Variants in PTPN13 observed in about 807,000 individuals in gnomAD.
The protein encoded by PTPN13 is tyrosine-protein phosphatase non-receptor type 13.
A neutral mutation model predicts 284.0 loss-of-function variants in PTPN13; 191 were observed. The observed-to-expected ratio is 0.67, with a 90% CI of 0.60 to 0.76. The LOEUF (loss-of-function observed/expected upper bound fraction) is 0.76. Ranked by LOEUF, PTPN13 falls within the 30% of genes least tolerant of loss-of-function variation. The pLI is 0.00. For synonymous variants in PTPN13, 986 were observed against 1,022.3 expected, an observed-to-expected ratio of 0.96 and a Z score of 0.68; for missense variants, 2,797 against 2,939.9, an observed-to-expected ratio of 0.95 and a Z score of 1.12.
At chr4:86,650,356 G>T (rs912029326) in intron 2 of PTPN13, among the ~76,000 whole-genome samples, 1 of 152,156 alleles carries the variant, frequency 6.6e-6, no homozygotes, top group South Asian at 2.1e-4. Flanking sequence ...CTGTCACCCA[G>T]GTTGGAGTGC....
rs772353049 is a variant in PTPN13 at position 86,766,478 on chromosome 4, C to G, written c.4290C>G (p.Thr1430=). ...ATGGAGTTAGTCTAGAAGGAGCCAC[C>G]CATAAGCAAGCTGTGGAAACACTGA... is the stretch of plus-strand genomic sequence containing the variant. ...AVNGVSLEGA[T]HKQAVETLRN... The change falls in exon 27 of 48, where the codon ACC becomes ACG. Residue 1430 remains threonine (T), a synonymous_variant. Coordinates refer to ENST00000411767, the MANE Select transcript of PTPN13 (RefSeq NM_080683.3). 54 of 1,609,900 alleles carry G rather than the reference C, an allele frequency of 3.4e-5. No individual in the cohort carries two copies. Among genetic ancestry groups the G allele is most frequent in the Non-Finnish European group, 4.4e-5 (52 of 1,178,906 alleles).
chr4:86,608,373 T>A (rs112022121), intron 1 of PTPN13, among the ~76,000 whole-genome samples: 7,052 of 152,158 alleles, frequency 0.046, 219 homozygotes, highest in African/African-American at 0.06. Flanking sequence ...ATTCTAATGC[T>A]TTATGTTATT....
chr4:86,644,943 C>T (rs1453332796), intron 2 of PTPN13, among the ~76,000 whole-genome samples: 1 of 152,156 alleles, frequency 6.6e-6, no homozygotes, highest in Non-Finnish European at 1.5e-5. Flanking sequence ...CTTGGCAGCT[C>T]ACACCTGTAA....
intron 40 of PTPN13, among the ~76,000 whole-genome samples, chr4:86,792,726 T>G (rs1742831024): frequency 1.3e-5 from 2 of 152,206 alleles, no homozygotes. Flanking sequence ...AAGGAAAGAA[T>G]GTTCAACTCA....
intron 2 of PTPN13, among the ~76,000 whole-genome samples, chr4:86,650,034 G>A (rs993265540): frequency 5.3e-5 from 8 of 152,102 alleles, no homozygotes; most frequent in Non-Finnish European, 1.2e-4. Flanking sequence ...CACCCCGGCT[G>A]GAGTCCAATG....
chr4:86,770,297 G>A, intron 30 of PTPN13, 98 bp downstream of exon 30: 3 of 1,117,354 alleles, frequency 2.7e-6, no homozygotes, highest in Non-Finnish European at 3.9e-6. Flanking sequence ...GTTCTCCTGG[G>A]TTTCATACCT....
intron 3 of PTPN13, among the ~76,000 whole-genome samples, chr4:86,680,555 C>T (rs765253208): frequency 1.3e-5 from 2 of 152,144 alleles, no homozygotes; most frequent in Non-Finnish European, 2.9e-5. Flanking sequence ...TTTCTCTTCT[C>T]TCGGACTTTT....
chr4:86,735,685 C>T lies in PTPN13; in HGVS notation c.2243C>T (p.Pro748Leu), dbSNP rs780479289. The T allele has an allele frequency of 6.2e-7, 1 of 1,613,240 alleles. No individual in the cohort carries two copies. The highest frequency in any genetic ancestry group is 8.5e-7 in the Non-Finnish European group (1 of 1,179,586). The change falls in exon 15 of 48, where the codon CCC becomes CTC. Residue 748 changes from proline to leucine, a missense_variant. Physicochemically the swap from Pro to Leu is moderately conservative, Grantham distance 98. Transcript: ENST00000411767. ...LDLSYIKEEL[P>L]KLHNTYVGAS... ...TTATCCTATATCAAAGAAGAGTTACCCAAATTGCATAATACCTATGTGGGA... is the reference window on the plus strand; with the variant it reads ...TTATCCTATATCAAAGAAGAGTTACTCAAATTGCATAATACCTATGTGGGA...
At chr4:86,767,331 C>T (rs376872481) in intron 27 of PTPN13, among the ~76,000 whole-genome samples, 4 of 151,550 alleles carry the variant, frequency 2.6e-5, no homozygotes, top group East Asian at 1.9e-4. Flanking sequence ...TTGCAACCTC[C>T]GCCTCCCAGA....
In PTPN13 at chr4:86,597,446, T is replaced by G. The variant is rs1241858794; in HGVS notation, c.-6+2657T>G. Among the ~76,000 whole-genome samples the G allele has an allele frequency of 2.0e-5, 3 of 152,186 alleles. No individual in the cohort carries two copies. The East Asian group carries it at 5.8e-4, about 29-fold the overall frequency. ...TTTTTAAATAGAGACAATGTCTCGC[T>G]GTATTGACCAAGGCTAAAAGATAGC... is the stretch of plus-strand genomic sequence containing the variant. On this transcript the variant is annotated intron_variant, in intron 1 of 47. Transcript: ENST00000411767.
chr4:86,646,367 G>A (rs1361838782), intron 2 of PTPN13, among the ~76,000 whole-genome samples: 2 of 145,032 alleles, frequency 1.4e-5, no homozygotes, highest in South Asian at 2.2e-4. Context: ...GTGAGATCTC[G>A]GCTCACTGCA....
In PTPN13 at chr4:86,770,098, C is replaced by G; in HGVS notation, c.4705-3C>G. On this transcript the variant is annotated splice_region_variant and splice_polypyrimidine_tract_variant and intron_variant, in intron 29 of 47. Transcript: ENST00000411767. ...CTTCATTTGTCATTCATGGTACCCC[C>G]AGGAAGTCATATCTGCTCTCAGGGG... 1.2e-6 allele frequency: 2 copies of G among 1,613,418 alleles called. No homozygotes were observed. Among genetic ancestry groups the G allele is most frequent in the Non-Finnish European group, 1.7e-6 (2 of 1,179,506 alleles).
chr4:86,649,791 A>G (rs1159427995), intron 2 of PTPN13, among the ~76,000 whole-genome samples: 1 of 152,156 alleles, frequency 6.6e-6, no homozygotes, highest in Non-Finnish European at 1.5e-5. Context: ...TAGTGATTGT[A>G]TTGAATCTGT....
At chr4:86,761,560 C>T (rs1177206491) in intron 23 of PTPN13, among the ~76,000 whole-genome samples, 1 of 152,172 alleles carries the variant, frequency 6.6e-6, no homozygotes, top group Non-Finnish European at 1.5e-5. Flanking sequence ...CAGTGCTTTT[C>T]TCCTCATACC....
At chr4:86,740,457 C>G (rs1736046806) in intron 15 of PTPN13, among the ~76,000 whole-genome samples, 1 of 152,152 alleles carries the variant, frequency 6.6e-6, no homozygotes, top group Non-Finnish European at 1.5e-5. Context: ...TTAGTCATAG[C>G]TGGAGTGGCT....
In PTPN13 at chr4:86,809,999, T is replaced by C. The variant is rs143097464; in HGVS notation, c.7299+15T>C. The C allele has an allele frequency of 1.0e-4, 161 of 1,596,954 alleles. No homozygotes were observed. The East Asian group carries it at 2.7e-3, about 26-fold the overall frequency. ...AGGATCTTGATGTGAGTACAAGATA[T>C]TGGCTGAGTAAGCATTTGTTCAGAA... On this transcript the variant is annotated intron_variant, in intron 46 of 47. Coordinates refer to ENST00000411767, the MANE Select transcript of PTPN13 (RefSeq NM_080683.3).
At chr4:86,689,551 A>G (rs1420737178) in intron 5 of PTPN13, 1 of 648,714 alleles carries the variant, frequency 1.5e-6, no homozygotes, top group Non-Finnish European at 2.8e-6. Context: ...TGGGTTTTAG[A>G]AATATTTAAA....
In PTPN13 at chr4:86,807,651, C is replaced by T. The variant is rs2149384807; in HGVS notation, c.6837C>T (p.Tyr2279=). The T allele has an allele frequency of 6.2e-7, 1 of 1,613,980 alleles. No individual in the cohort carries two copies. The highest frequency in any genetic ancestry group is 2.2e-5 in the East Asian group (1 of 44,876). The part of the protein sequence containing the change: ...KIPVGKEEFV[Y]IACQGPLPTT... ...CAGTTGGGAAAGAAGAGTTCGTTTACATTGCCTGCCAAGGACCACTGCCTA... is the reference window on the plus strand; with the variant it reads ...CAGTTGGGAAAGAAGAGTTCGTTTATATTGCCTGCCAAGGACCACTGCCTA... Residue 2279 remains tyrosine, a synonymous_variant, in exon 45 of 48, where the codon TAC becomes TAT. Coordinates refer to ENST00000411767, the MANE Select transcript of PTPN13 (RefSeq NM_080683.3).
In PTPN13 at chr4:86,807,800, AAAC is replaced by A. The variant is rs1378560721; in HGVS notation, c.6992_6994del (p.Thr2331del). On this transcript the variant is annotated inframe_deletion, in exon 45 of 48. Coordinates refer to ENST00000411767, the MANE Select transcript of PTPN13 (RefSeq NM_080683.3). ...CGCTATTGGCCCAACATCCTAGGCA[AAAC>A]AACAATGGTCAGCAACAGACTTCGA... is the stretch of plus-strand genomic sequence containing the variant. 2 of 1,613,974 alleles carry A rather than the reference AAAC, an allele frequency of 1.2e-6. No homozygotes were observed. The highest frequency in any genetic ancestry group is 2.7e-5 in the African/African-American group (2 of 74,954).
Sources: gnomAD v4.1 joint callset for allele counts (sites outside exome capture counted in the v4.1 genomes callset) on GRCh38, gnomAD v4.1.1 for gene constraint, MANE v1.5 for transcripts, NCBI Gene and HGNC (gene_info 2026-07-23, HGNC 2026-07-21) for gene names.